ZBBX: variants seen among roughly 807,000 people sequenced by gnomAD.
ZBBX encodes the protein zinc finger B-box domain containing.
A neutral mutation model predicts 108.5 loss-of-function variants in ZBBX; 101 were observed. That is an observed-to-expected ratio of 0.93 (90% confidence interval 0.79 to 1.10). The LOEUF (loss-of-function observed/expected upper bound fraction) is 1.10. Among genes scored for constraint, ZBBX ranks in the 50% least tolerant of loss-of-function variants. The pLI, the probability that ZBBX is intolerant of heterozygous loss-of-function variation, is 0.00. For synonymous variants in ZBBX, 356 were observed against 323.4 expected, an observed-to-expected ratio of 1.10 and a Z score of -1.08; for missense variants, 1,009 against 941.4, an observed-to-expected ratio of 1.07 and a Z score of -0.94.
At chr3:167,294,068 AT>A in intron 18 of ZBBX, among the ~76,000 whole-genome samples, 1 of 152,324 alleles carries the variant, frequency 6.6e-6, no homozygotes, top group African/African-American at 2.4e-5. Context: ...ATGGAAAAAC[AT>A]TTCATGCTCA....
At chr3:167,390,857 GTTGCTTATCAGCT>G (rs1445426800) in intron 1 of ZBBX, among the ~76,000 whole-genome samples, 1 of 152,140 alleles carries the variant, frequency 6.6e-6, no homozygotes, top group Non-Finnish European at 1.5e-5. Flanking sequence ...CTTTGCTGAA[GTTGCTTATCAGCT>G]TAAGCAGTTT....
chr3:167,190,240 T>C, the ZBBX span, among the ~76,000 whole-genome samples: 1 of 152,138 alleles, frequency 6.6e-6, no homozygotes, highest in African/African-American at 2.4e-5. Context: ...TCAACTACAG[T>C]TACATCATTT....
chr3:167,248,731 T>A, intron 20 of ZBBX: 1 of 444,342 alleles, frequency 2.3e-6, no homozygotes, highest in Non-Finnish European at 4.6e-6. Context: ...TCCTACCAAC[T>A]AAACCCCCCA....
At chr3:167,279,706 C>G (rs896644010) in intron 20 of ZBBX, among the ~76,000 whole-genome samples, 11 of 151,938 alleles carry the variant, frequency 7.2e-5, no homozygotes, top group African/African-American at 1.9e-4. Context: ...CCATCCCCAT[C>G]AAGCTACCAA....
the ZBBX span, among the ~76,000 whole-genome samples, chr3:167,226,862 T>C: frequency 1.3e-5 from 2 of 151,670 alleles, no homozygotes; most frequent in African/African-American, 4.8e-5. Context: ...AGAGAGTATG[T>C]ACTTGCCTTA....
chr3:167,303,682 T>C (rs1432109318), intron 17 of ZBBX, among the ~76,000 whole-genome samples: 6 of 152,324 alleles, frequency 3.9e-5, no homozygotes, highest in South Asian at 2.1e-4. Flanking sequence ...TCAGTTCTAT[T>C]GGAAGTTTAA....
intron 10 of ZBBX, among the ~76,000 whole-genome samples, chr3:167,332,967 A>G (rs1461009631): frequency 6.6e-6 from 1 of 152,168 alleles, no homozygotes; most frequent in Non-Finnish European, 1.5e-5. Context: ...ATACATTATT[A>G]TTATAATTAG....
intron 20 of ZBBX, chr3:167,252,199 A>G (rs1722742415): frequency 1.4e-5 from 18 of 1,289,530 alleles, no homozygotes; most frequent in Non-Finnish European, 1.8e-5. Flanking sequence ...TAGAAAGAAG[A>G]AGTGGATGCA....
chr3:167,378,625 T>C (rs1432922850), intron 2 of ZBBX, among the ~76,000 whole-genome samples: 1 of 152,128 alleles, frequency 6.6e-6, no homozygotes, highest in Non-Finnish European at 1.5e-5. Flanking sequence ...TCCAGAGAGC[T>C]CACGGTTCAG....
intron 20 of ZBBX, chr3:167,252,323 T>C (rs1004968768): frequency 1.7e-6 from 1 of 598,888 alleles, no homozygotes; most frequent in South Asian, 1.8e-5. Context: ...TGGAGGTGTA[T>C]GTCTGAGAGC....
intron 20 of ZBBX, among the ~76,000 whole-genome samples, chr3:167,261,355 G>A (rs1724476811): frequency 6.6e-6 from 1 of 151,872 alleles, no homozygotes; most frequent in Non-Finnish European, 1.5e-5. Context: ...GTGGTAGTAT[G>A]GGGGAGGAAC....
chr3:167,293,188 T>TA (rs1306076289), intron 18 of ZBBX, among the ~76,000 whole-genome samples: 3 of 152,166 alleles, frequency 2.0e-5, no homozygotes, highest in Admixed American at 1.3e-4. Context: ...GACGCCTCCC[T>TA]AACCTATTGT....
chr3:167,263,032 G>GTTTTTTTT (rs1192290285), intron 20 of ZBBX, among the ~76,000 whole-genome samples: 6 of 111,024 alleles, frequency 5.4e-5, no homozygotes, highest in Admixed American at 1.1e-4. Flanking sequence ...TGCTTTTCTA[G>GTTTTTTTT]TTCTTTTTTT....
intron 7 of ZBBX, among the ~76,000 whole-genome samples, 172 bp downstream of exon 7, chr3:167,360,503 G>GC (rs1560181717): frequency 1.3e-5 from 2 of 151,662 alleles, no homozygotes; most frequent in African/African-American, 2.4e-5. Flanking sequence ...TGACACAAAA[G>GC]CCCCCCTAAC....
chr3:167,180,421 G>A, the ZBBX span, among the ~76,000 whole-genome samples: 1 of 152,226 alleles, frequency 6.6e-6, no homozygotes, highest in African/African-American at 2.4e-5. Context: ...CACCATTGTA[G>A]TGTCATTTAC....
At chr3:167,227,152 A>G in the ZBBX span, among the ~76,000 whole-genome samples, 1 of 151,822 alleles carries the variant, frequency 6.6e-6, no homozygotes, top group African/African-American at 2.4e-5. Flanking sequence ...AAATTTTACT[A>G]GAATGTATGT....
intron 1 of ZBBX, among the ~76,000 whole-genome samples, chr3:167,389,532 T>C (rs1748026088): frequency 6.6e-6 from 1 of 152,166 alleles, no homozygotes; most frequent in Non-Finnish European, 1.5e-5. Flanking sequence ...TTTCTGATTC[T>C]AGATCCTTGA....
At chr3:167,263,035 C>CTT (rs59613369) in intron 20 of ZBBX, among the ~76,000 whole-genome samples, 31 of 84,892 alleles carry the variant, frequency 3.7e-4, no homozygotes, top group African/African-American at 8.3e-4. Context: ...TTTTCTAGTT[C>CTT]TTTTTTTTTT....
At chr3:167,182,718 G>A in the ZBBX span, among the ~76,000 whole-genome samples, 1 of 152,174 alleles carries the variant, frequency 6.6e-6, no homozygotes, top group Admixed American at 6.5e-5. Context: ...GCAGGAGTCA[G>A]GCAAGCTTGA....
Sources: allele counts gnomAD v4.1 joint callset (sites outside exome capture counted in the v4.1 genomes callset), GRCh38; gene constraint gnomAD v4.1.1; transcripts MANE v1.5; gene names NCBI Gene and HGNC (gene_info 2026-07-23, HGNC 2026-07-21).